Variants in SNTB1 observed in about 807,000 individuals in gnomAD.
SNTB1 encodes syntrophin beta 1, also known as beta-1-syntrophin.
Under a neutral mutation model 48.9 loss-of-function variants are expected in SNTB1, and 36 were observed. The observed-to-expected ratio is 0.74, with a 90% CI of 0.56 to 0.97. The LOEUF is 0.97. Among genes scored for constraint, SNTB1 ranks in the 50% least tolerant of loss-of-function variants. The pLI is 0.00. For missense variants in SNTB1, 786 were observed against 703.4 expected (o/e 1.12, Z -1.33); for synonymous variants, 299 against 294.6 (o/e 1.01, Z -0.15).
chr8:120,680,642 T>TGATGCCTGCTTGAATAGAG (rs1817915548), intron 2 of SNTB1, among the ~76,000 whole-genome samples: 1 of 152,188 alleles, frequency 6.6e-6, no homozygotes, highest in Non-Finnish European at 1.5e-5. Context: ...CCAGGCTAGG[T>TGATGCCTGCTTGAATAGAG]GATGCCTGCT....
chr8:120,760,812 C>T (rs1045289049), intron 1 of SNTB1, among the ~76,000 whole-genome samples: 2 of 152,018 alleles, frequency 1.3e-5, no homozygotes, highest in Non-Finnish European at 2.9e-5. Context: ...CCCATCTAGC[C>T]TTCCTGTCTC....
At chr8:120,619,409 A>G (rs1472961328) in intron 3 of SNTB1, among the ~76,000 whole-genome samples, 1 of 152,024 alleles carries the variant, frequency 6.6e-6, no homozygotes, top group Non-Finnish European at 1.5e-5. Flanking sequence ...CTGACTTATG[A>G]CCTCTTTTCC....
At chr8:120,768,476 A>G (rs544123497) in intron 1 of SNTB1, among the ~76,000 whole-genome samples, 2 of 152,332 alleles carry the variant, frequency 1.3e-5, no homozygotes, top group Non-Finnish European at 2.9e-5. Context: ...GATATCATTT[A>G]TATTTGATCC....
intron 1 of SNTB1, among the ~76,000 whole-genome samples, chr8:120,798,445 T>C (rs1378853949): frequency 2.0e-5 from 3 of 151,984 alleles, no homozygotes; most frequent in Non-Finnish European, 4.4e-5. Context: ...TTGCACCAAG[T>C]GAGTAGAGGC....
chr8:120,772,755 G>A (rs1018683753), intron 1 of SNTB1, among the ~76,000 whole-genome samples: 1 of 152,128 alleles, frequency 6.6e-6, no homozygotes, highest in African/African-American at 2.4e-5. Flanking sequence ...CTGGCATCCA[G>A]GGCAGAAATG....
At chr8:120,785,603 A>G (rs1209062932) in intron 1 of SNTB1, among the ~76,000 whole-genome samples, 1 of 152,202 alleles carries the variant, frequency 6.6e-6, no homozygotes, top group Non-Finnish European at 1.5e-5. Context: ...AAGCCAGTGC[A>G]TGGACTTGTC....
chr8:120,787,450 A>G (rs1819942674), intron 1 of SNTB1, among the ~76,000 whole-genome samples: 1 of 151,652 alleles, frequency 6.6e-6, no homozygotes, highest in Non-Finnish European at 1.5e-5. Context: ...GATACAGAAG[A>G]AAGGTAAAAA....
intron 3 of SNTB1, among the ~76,000 whole-genome samples, chr8:120,582,284 C>G (rs1816061140): frequency 6.6e-6 from 1 of 151,874 alleles, no homozygotes; most frequent in African/African-American, 2.4e-5. Flanking sequence ...GTTGCTACAG[C>G]AGGACTAAGA....
intron 3 of SNTB1, among the ~76,000 whole-genome samples, chr8:120,619,652 T>G (rs1816763758): frequency 6.6e-6 from 1 of 152,348 alleles, no homozygotes; most frequent in Admixed American, 6.5e-5. Context: ...CAGTTTTTAC[T>G]CTACCATTTA....
chr8:120,544,993 CAG>C (rs1815353258), intron 5 of SNTB1, among the ~76,000 whole-genome samples: 1 of 152,112 alleles, frequency 6.6e-6, no homozygotes, highest in African/African-American at 2.4e-5. Flanking sequence ...ATTGCATAAA[CAG>C]AGGAAATTTG....
chr8:120,580,038 T>C (rs920146648), intron 3 of SNTB1, among the ~76,000 whole-genome samples: 7 of 152,204 alleles, frequency 4.6e-5, no homozygotes, highest in African/African-American at 1.4e-4. Flanking sequence ...GACTAAATTA[T>C]TGCTAGCACC....
At chr8:120,540,929 C>T (rs780795515) in intron 6 of SNTB1, among the ~76,000 whole-genome samples, 1 of 152,122 alleles carries the variant, frequency 6.6e-6, no homozygotes, top group Non-Finnish European at 1.5e-5. Context: ...TCTGCCCTTT[C>T]CTTCCTGAAA....
chr8:120,622,068 G>A (rs1477316105), intron 3 of SNTB1, among the ~76,000 whole-genome samples: 1 of 152,176 alleles, frequency 6.6e-6, no homozygotes, highest in African/African-American at 2.4e-5. Context: ...CACTGGAACT[G>A]TAGAACTAAA....
intron 3 of SNTB1, among the ~76,000 whole-genome samples, chr8:120,618,542 C>G (rs145576019): frequency 6.6e-6 from 1 of 152,140 alleles, no homozygotes; most frequent in African/African-American, 2.4e-5. Flanking sequence ...TCAATAGTTA[C>G]TTACAGAATG....
intron 1 of SNTB1, among the ~76,000 whole-genome samples, chr8:120,768,065 C>G (rs149018061): frequency 6.6e-6 from 1 of 152,108 alleles, no homozygotes; most frequent in African/African-American, 2.4e-5. Flanking sequence ...GTTGATCTGC[C>G]CAAGAGCCAG....
At chr8:120,775,707 CAAGGAAGGAAG>C (rs1819722103) in intron 1 of SNTB1, among the ~76,000 whole-genome samples, 1 of 114,410 alleles carries the variant, frequency 8.7e-6, no homozygotes, top group Non-Finnish European at 1.8e-5. Flanking sequence ...GGGAAGGAGA[CAAGGAAGGAAG>C]GAAGGAAGGA....
chr8:120,784,335 TGGTATCCAAGG>T (rs1480640241), intron 1 of SNTB1, among the ~76,000 whole-genome samples: 20 of 152,144 alleles, frequency 1.3e-4, no homozygotes, highest in Non-Finnish European at 2.8e-4. Flanking sequence ...CCAATGATTA[TGGTATCCAAGG>T]GAGTCTTGGA....
chr8:120,654,789 T>G (rs1355869764), intron 2 of SNTB1: 1 of 312,566 alleles, frequency 3.2e-6, no homozygotes, highest in African/African-American at 2.3e-5. Flanking sequence ...TTTAGAAACA[T>G]GAGGCTAATA....
intron 3 of SNTB1, among the ~76,000 whole-genome samples, chr8:120,613,686 G>T (rs1298831939): frequency 2.6e-5 from 4 of 152,162 alleles, no homozygotes; most frequent in Non-Finnish European, 5.9e-5. Flanking sequence ...CTTTGTTTCT[G>T]TCTTTTTAAG....
Sources: allele counts gnomAD v4.1 joint callset (sites outside exome capture counted in the v4.1 genomes callset), GRCh38; gene constraint gnomAD v4.1.1; transcripts MANE v1.5; gene names NCBI Gene and HGNC (gene_info 2026-07-23, HGNC 2026-07-21).